The following SMYD3 variants were observed in gnomAD, a reference collection of about 807,000 sequenced individuals.
SMYD3 encodes histone-lysine N-methyltransferase SMYD3.
In SMYD3, 36 loss-of-function variants were observed where a neutral mutation model predicts 57.7. The ratio of observed to expected loss-of-function variants is 0.62; its 90% CI spans 0.48 to 0.82. The LOEUF is 0.82. Among genes scored for constraint, SMYD3 ranks in the 40% least tolerant of loss-of-function variants. SMYD3 has a pLI of 0.00. For missense variants in SMYD3, 515 were observed against 538.8 expected (o/e 0.96, Z 0.44); for synonymous variants, 211 against 195.0 (o/e 1.08, Z -0.68).
intron 5 of SMYD3, among the ~76,000 whole-genome samples, chr1:246,200,414 C>T (rs1270469035): frequency 2.0e-5 from 3 of 151,702 alleles, no homozygotes; most frequent in Non-Finnish European, 2.9e-5. Context: ...AGAATGTAAA[C>T]AGACGCCCAC....
chr1:246,290,838 G>A (rs1330054994), intron 5 of SMYD3, among the ~76,000 whole-genome samples: 1 of 151,934 alleles, frequency 6.6e-6, no homozygotes. Context: ...TTACCACACT[G>A]ATGTCTTCAT....
At chr1:245,924,457 A>T (rs2056217280) in intron 7 of SMYD3, among the ~76,000 whole-genome samples, 2 of 152,176 alleles carry the variant, frequency 1.3e-5, no homozygotes, top group South Asian at 4.1e-4. Flanking sequence ...ATAGAGAGAA[A>T]CATGGGGTGA....
At position 246,447,256 on chromosome 1, in the gene SMYD3, T is replaced by C. The variant is rs568324184; in HGVS notation, c.164+59798A>G. 3.9e-5 allele frequency among the ~76,000 whole-genome samples: 6 copies of C among 152,302 alleles called. No homozygotes were observed. In the South Asian group the frequency reaches 1.2e-3, roughly 32 times the overall value. Reference sequence around the variant, plus strand: ...TTTATCAGAGGAATTGGGGAGGTAATTAAGTAAGTAGAGTGTATCACTTTA... The same window carrying C: ...TTTATCAGAGGAATTGGGGAGGTAACTAAGTAAGTAGAGTGTATCACTTTA... On this transcript the variant is annotated intron_variant, in intron 1 of 11. Transcript: ENST00000490107.
intron 1 of SMYD3, among the ~76,000 whole-genome samples, chr1:246,434,151 T>A (rs1384253553): frequency 1.3e-5 from 2 of 152,188 alleles, no homozygotes; most frequent in East Asian, 3.8e-4. Flanking sequence ...TAAGACCACA[T>A]TCTACAAGAA....
intron 1 of SMYD3, among the ~76,000 whole-genome samples, chr1:246,384,476 A>T (rs554249444): frequency 4.4e-4 from 67 of 152,006 alleles, no homozygotes; most frequent in African/African-American, 1.5e-3. Flanking sequence ...GCTCACTGCA[A>T]CCTCCGCCAC....
chr1:246,190,837 G>A (rs1274606273), intron 5 of SMYD3, among the ~76,000 whole-genome samples: 2 of 151,898 alleles, frequency 1.3e-5, no homozygotes, highest in African/African-American at 4.8e-5. Flanking sequence ...GGTATTTCAG[G>A]GGCCCCAACA....
At chr1:245,771,363 G>C (rs2046329912) in intron 10 of SMYD3, among the ~76,000 whole-genome samples, 1 of 152,148 alleles carries the variant, frequency 6.6e-6, no homozygotes, top group Non-Finnish European at 1.5e-5. Context: ...TTCTATTTTT[G>C]TGTACATTTG....
chr1:246,186,706 C>G, intron 5 of SMYD3: 1 of 971,904 alleles, frequency 1.0e-6, no homozygotes, highest in Non-Finnish European at 1.2e-6. Context: ...TCAATGTCCA[C>G]AGCACTTCTC....
At chr1:245,980,800 T>C (rs536506881) in intron 5 of SMYD3, among the ~76,000 whole-genome samples, 2 of 152,352 alleles carry the variant, frequency 1.3e-5, no homozygotes, top group South Asian at 4.1e-4. Flanking sequence ...CTGTATGATA[T>C]GGATTCTGTC....
intron 5 of SMYD3, among the ~76,000 whole-genome samples, chr1:246,273,910 T>C (rs900964350): frequency 3.9e-5 from 6 of 152,298 alleles, no homozygotes; most frequent in African/African-American, 1.4e-4. Flanking sequence ...TATTCTCTAT[T>C]TCAGTTAACA....
chr1:246,002,484 A>AATT (rs2059085136), intron 5 of SMYD3, among the ~76,000 whole-genome samples: 1 of 55,600 alleles, frequency 1.8e-5, no homozygotes, highest in African/African-American at 6.0e-5. Flanking sequence ...ACGCCCGGCT[A>AATT]ATTTTTTGTA....
chr1:246,448,141 C>T (rs920407874), intron 1 of SMYD3, among the ~76,000 whole-genome samples: 11 of 152,086 alleles, frequency 7.2e-5, no homozygotes, highest in African/African-American at 1.2e-4. Flanking sequence ...TGCTTGAACC[C>T]GGAAGGCAGA....
At chr1:246,224,855 T>G (rs887660719) in intron 5 of SMYD3, among the ~76,000 whole-genome samples, 1 of 151,708 alleles carries the variant, frequency 6.6e-6, no homozygotes, top group African/African-American at 2.4e-5. Context: ...AGCACTTGAC[T>G]GGGGGTAATT....
At chr1:245,785,513 A>G (rs1346112065) in intron 10 of SMYD3, among the ~76,000 whole-genome samples, 3 of 151,936 alleles carry the variant, frequency 2.0e-5, no homozygotes, top group Non-Finnish European at 4.4e-5. Flanking sequence ...ATTAATTTAC[A>G]CTCACTTGCC....
intron 5 of SMYD3, among the ~76,000 whole-genome samples, chr1:245,995,312 C>T (rs1193086897): frequency 6.6e-6 from 1 of 152,202 alleles, no homozygotes; most frequent in Admixed American, 6.5e-5. Context: ...ACAACTAGGT[C>T]CAAACCCTGA....
At chr1:246,241,839 G>C (rs1177947650) in intron 5 of SMYD3, among the ~76,000 whole-genome samples, 2 of 152,112 alleles carry the variant, frequency 1.3e-5, no homozygotes, top group African/African-American at 4.8e-5. Context: ...ATCTGTCGAG[G>C]AATTTATCCA....
At chr1:246,266,519 A>G (rs2064110723) in intron 5 of SMYD3, among the ~76,000 whole-genome samples, 1 of 152,220 alleles carries the variant, frequency 6.6e-6, no homozygotes, top group South Asian at 2.1e-4. Context: ...ACTCAGTAAA[A>G]GTATGTTGAA....
intron 8 of SMYD3, among the ~76,000 whole-genome samples, chr1:245,894,636 G>A (rs1291741996): frequency 6.6e-6 from 1 of 152,258 alleles, no homozygotes; most frequent in African/African-American, 2.4e-5. Flanking sequence ...GCTTTAGCAG[G>A]TATTCTAATT....
chr1:246,278,938 T>C (rs1016260453), intron 5 of SMYD3, among the ~76,000 whole-genome samples: 2 of 152,328 alleles, frequency 1.3e-5, no homozygotes, highest in South Asian at 2.1e-4. Flanking sequence ...TGCCTGACTG[T>C]TGTCAGGATC....
Sources: allele counts gnomAD v4.1 joint callset (sites outside exome capture counted in the v4.1 genomes callset), GRCh38; gene constraint gnomAD v4.1.1; transcripts MANE v1.5; gene names NCBI Gene and HGNC (gene_info 2026-07-23, HGNC 2026-07-21).